LYPD6B: variants seen among roughly 807,000 people sequenced by gnomAD.
LYPD6B encodes the protein ly6/PLAUR domain-containing protein 6B.
LYPD6B carries 17 observed loss-of-function variants against 22.8 expected under a neutral mutation model. The observed-to-expected ratio is 0.75, with a 90% CI of 0.51 to 1.12. The LOEUF (loss-of-function observed/expected upper bound fraction) is 1.12. LYPD6B is among the 50% of genes most tolerant of loss of function. The pLI, the probability that LYPD6B is intolerant of heterozygous loss-of-function variation, is 0.00. For synonymous variants in LYPD6B, 106 were observed against 91.6 expected, an observed-to-expected ratio of 1.16 and a Z score of -0.90; for missense variants, 221 against 258.3, an observed-to-expected ratio of 0.86 and a Z score of 0.99.
chr2:149,080,523 T>C (rs1321353801), intron 1 of LYPD6B, among the ~76,000 whole-genome samples: 1 of 152,144 alleles, frequency 6.6e-6, no homozygotes, highest in East Asian at 1.9e-4. Flanking sequence ...TCTCTCAAGT[T>C]CTCTATTCTT....
chr2:149,161,195 T>C (rs567139084), intron 3 of LYPD6B, among the ~76,000 whole-genome samples: 13 of 152,186 alleles, frequency 8.5e-5, no homozygotes, highest in African/African-American at 2.9e-4. Flanking sequence ...TGTGGAGCAA[T>C]GTTCAAAAGT....
intron 1 of LYPD6B, among the ~76,000 whole-genome samples, chr2:149,057,204 A>T (rs1015850813): frequency 3.9e-5 from 6 of 152,166 alleles, no homozygotes; most frequent in Middle Eastern, 3.4e-3. Context: ...GTTTTATTAT[A>T]TATTATTTAT....
intron 1 of LYPD6B, among the ~76,000 whole-genome samples, chr2:149,095,067 G>T (rs1216289759): frequency 6.6e-6 from 1 of 152,152 alleles, no homozygotes; most frequent in African/African-American, 2.4e-5. Flanking sequence ...AGGTCGAGGT[G>T]GGTGGATCAC....
At position 149,205,302 on chromosome 2, in the gene LYPD6B, T is replaced by C; in HGVS notation, c.127T>C (p.Cys43Arg). 6.2e-7 allele frequency: 1 copy of C among 1,614,004 alleles called. No homozygotes were observed. The highest frequency in any genetic ancestry group is 2.2e-5 in the East Asian group (1 of 44,882). Residue 43 changes from cysteine (C) to arginine (R), a missense_variant, in exon 4 of 7, where the codon TGT becomes CGT. Cys to Arg is a radical substitution (Grantham distance 180). Transcript: ENST00000409642. Reference sequence around the variant, plus strand: ...ACACAAGGTCAGCATGCTGCTCCTCTGTCACGCTCTCGCTATAGCTGTTGT... The same window carrying C: ...ACACAAGGTCAGCATGCTGCTCCTCCGTCACGCTCTCGCTATAGCTGTTGT... ...PAHKVSMLLLCHALAIAVVQI... is the reference protein window; with the variant it reads ...PAHKVSMLLLRHALAIAVVQI...
chr2:149,191,482 A>C (rs1692485409), intron 3 of LYPD6B, among the ~76,000 whole-genome samples: 1 of 152,144 alleles, frequency 6.6e-6, no homozygotes, highest in Admixed American at 6.6e-5. Context: ...GTGATATAAC[A>C]AATTCTTATA....
intron 1 of LYPD6B, among the ~76,000 whole-genome samples, chr2:149,082,240 G>A (rs1316603532): frequency 1.3e-5 from 2 of 152,184 alleles, no homozygotes; most frequent in Non-Finnish European, 2.9e-5. Context: ...ACATTAATGT[G>A]AAAAGAGAGA....
chr2:149,120,728 A>G (rs1024376777), intron 1 of LYPD6B, among the ~76,000 whole-genome samples: 2 of 142,438 alleles, frequency 1.4e-5, no homozygotes, highest in African/African-American at 5.4e-5. Flanking sequence ...ACGTCCAAAT[A>G]TGTGTTCTAT....
At chr2:149,039,703 G>C (rs1022687347) in intron 1 of LYPD6B, among the ~76,000 whole-genome samples, 11 of 152,170 alleles carry the variant, frequency 7.2e-5, no homozygotes, top group African/African-American at 2.7e-4. Flanking sequence ...GTGGTGATGT[G>C]TGTGTTGTGG....
chr2:149,097,073 C>G (rs1227629171), intron 1 of LYPD6B, among the ~76,000 whole-genome samples: 1 of 152,166 alleles, frequency 6.6e-6, no homozygotes, highest in African/African-American at 2.4e-5. Flanking sequence ...TATTATTATG[C>G]ATAAAACGCC....
intron 1 of LYPD6B, among the ~76,000 whole-genome samples, chr2:149,114,935 A>G (rs1382523725): frequency 6.6e-6 from 1 of 152,078 alleles, no homozygotes; most frequent in Non-Finnish European, 1.5e-5. Context: ...CACTATAGTG[A>G]TTTAAATTAT....
At chr2:149,142,709 G>T (rs866974919) in intron 2 of LYPD6B, among the ~76,000 whole-genome samples, 88 of 151,878 alleles carry the variant, frequency 5.8e-4, no homozygotes, top group African/African-American at 2.0e-3. Context: ...TCACTATTTT[G>T]CCCAGGCTGG....
intron 1 of LYPD6B, among the ~76,000 whole-genome samples, chr2:149,061,276 A>C (rs73963314): frequency 0.092 from 13,966 of 151,228 alleles, 1,579 homozygotes; most frequent in African/African-American, 0.27. Context: ...AGCTCATTGC[A>C]GCCTTGACCT....
intron 3 of LYPD6B, among the ~76,000 whole-genome samples, chr2:149,203,182 G>T (rs1373807488): frequency 6.6e-6 from 1 of 152,176 alleles, no homozygotes; most frequent in East Asian, 1.9e-4. Context: ...TTGTTCTAGA[G>T]ATGAGGAAGC....
At chr2:149,214,454 G>GT in intron 6 of LYPD6B, 92 bp from the exon 7 acceptor site, 1 of 1,341,902 alleles carries the variant, frequency 7.5e-7, no homozygotes, top group Non-Finnish European at 1.0e-6. Context: ...TCTTCAGATA[G>GT]AGCTCAAGAA....
intron 1 of LYPD6B, 82 bp downstream of exon 1, chr2:149,038,883 G>T (rs1682925538): frequency 6.6e-6 from 1 of 150,566 alleles, no homozygotes; most frequent in East Asian, 1.9e-4. Context: ...GCGGGGCCGC[G>T]CGACTGCGGC....
At chr2:149,080,294 G>T (rs1480552736) in intron 1 of LYPD6B, among the ~76,000 whole-genome samples, 10 of 152,148 alleles carry the variant, frequency 6.6e-5, no homozygotes, top group Admixed American at 6.6e-4. Context: ...TTACCCTTCT[G>T]TGAGGCCACC....
chr2:149,124,456 C>T (rs1162248263), intron 1 of LYPD6B, among the ~76,000 whole-genome samples: 3 of 152,104 alleles, frequency 2.0e-5, no homozygotes, highest in Admixed American at 1.3e-4. Context: ...TTCTGAAACC[C>T]GTGATGTTAA....
At chr2:149,039,861 T>C (rs1283186074) in intron 1 of LYPD6B, among the ~76,000 whole-genome samples, 2 of 152,218 alleles carry the variant, frequency 1.3e-5, no homozygotes, top group Non-Finnish European at 2.9e-5. Flanking sequence ...ACTGCCCTCA[T>C]CATTACCCAT....
chr2:149,140,621 C>T (rs1688637163), intron 2 of LYPD6B, among the ~76,000 whole-genome samples: 1 of 152,262 alleles, frequency 6.6e-6, no homozygotes, highest in East Asian at 1.9e-4. Flanking sequence ...TCTCTTTAAG[C>T]TTATCCTTGC....
Sources: allele counts gnomAD v4.1 joint callset (sites outside exome capture counted in the v4.1 genomes callset), GRCh38; gene constraint gnomAD v4.1.1; transcripts MANE v1.5; gene names NCBI Gene and HGNC (gene_info 2026-07-23, HGNC 2026-07-21).